The following PALM2AKAP2 variants were observed in gnomAD, a reference collection of about 807,000 sequenced individuals.
PALM2AKAP2 encodes the protein PALM2 and AKAP2 fusion.
Under a neutral mutation model 71.5 loss-of-function variants are expected in PALM2AKAP2, and 37 were observed. That is an observed-to-expected ratio of 0.52 (90% confidence interval 0.40 to 0.68). The LOEUF (loss-of-function observed/expected upper bound fraction) is 0.68. Ranked by LOEUF, PALM2AKAP2 falls within the 30% of genes least tolerant of loss-of-function variation. The probability of loss-of-function intolerance (pLI) is 0.00; values close to 1 mark genes in which losing one functional copy is unlikely to be tolerated. For synonymous variants in PALM2AKAP2, 468 were observed against 478.8 expected (o/e 0.98, Z 0.29); for missense variants, 1,224 against 1,191.8 (o/e 1.03, Z -0.40).
At chr9:109,863,908 C>T (rs1322162686) in intron 1 of PALM2AKAP2, among the ~76,000 whole-genome samples, 1 of 152,056 alleles carries the variant, frequency 6.6e-6, no homozygotes, top group African/African-American at 2.4e-5. Context: ...GGCAAAACCC[C>T]ATCTCTAGTA....
At chr9:109,881,077 C>T (rs1368668078) in intron 3 of PALM2AKAP2, among the ~76,000 whole-genome samples, 1 of 152,112 alleles carries the variant, frequency 6.6e-6, no homozygotes, top group Non-Finnish European at 1.5e-5. Flanking sequence ...GTGTTGTTCC[C>T]TTCTACGTGT....
At chr9:109,947,534 A>G (rs1374935268) in intron 6 of PALM2AKAP2, among the ~76,000 whole-genome samples, 1 of 152,252 alleles carries the variant, frequency 6.6e-6, no homozygotes, top group Non-Finnish European at 1.5e-5. Flanking sequence ...ACATGGTCAT[A>G]GAGACAAAAT....
intron 1 of PALM2AKAP2, among the ~76,000 whole-genome samples, chr9:109,655,154 G>T (rs1267891475): frequency 1.3e-5 from 2 of 152,086 alleles, no homozygotes; most frequent in Non-Finnish European, 2.9e-5. Context: ...AAATTAGCCG[G>T]GTGTGGTGGC....
intron 1 of PALM2AKAP2, among the ~76,000 whole-genome samples, chr9:109,838,509 G>A (rs1447967095): frequency 1.3e-5 from 2 of 152,040 alleles, no homozygotes; most frequent in Non-Finnish European, 2.9e-5. Context: ...CTAGCAGAAG[G>A]CAAGAAATAA....
At chr9:109,669,872 T>C (rs1827549401) in intron 1 of PALM2AKAP2, among the ~76,000 whole-genome samples, 1 of 152,036 alleles carries the variant, frequency 6.6e-6, no homozygotes, top group Non-Finnish European at 1.5e-5. Context: ...GTACCAACTT[T>C]TGTTTTTATT....
At chr9:110,086,147 G>A (rs925259446) in intron 1 of PALM2AKAP2, among the ~76,000 whole-genome samples, 1 of 151,444 alleles carries the variant, frequency 6.6e-6, no homozygotes, top group East Asian at 1.9e-4. Flanking sequence ...AGAGTTGCAA[G>A]TGGTATAAGA....
chr9:109,776,900 G>A (rs1335662372), upstream of PALM2AKAP2, among the ~76,000 whole-genome samples: 2 of 152,144 alleles, frequency 1.3e-5, no homozygotes, highest in Non-Finnish European at 2.9e-5. Context: ...CACTTAGGAA[G>A]TACACACTAT....
chr9:109,994,173 T>A (rs571033108), intron 6 of PALM2AKAP2, among the ~76,000 whole-genome samples: 14 of 152,326 alleles, frequency 9.2e-5, no homozygotes, highest in Non-Finnish European at 1.8e-4. Context: ...TATCAAATCA[T>A]CAGAGTGATC....
At chr9:110,115,396 T>G (rs992677380) in intron 1 of PALM2AKAP2, among the ~76,000 whole-genome samples, 3 of 152,088 alleles carry the variant, frequency 2.0e-5, no homozygotes, top group Non-Finnish European at 4.4e-5. Context: ...TTGTAGAGAG[T>G]GGCATCCGTT....
At chr9:109,664,828 A>G (rs182756529) in intron 1 of PALM2AKAP2, among the ~76,000 whole-genome samples, 63 of 152,324 alleles carry the variant, frequency 4.1e-4, no homozygotes, top group Middle Eastern at 3.4e-3. Flanking sequence ...TGGTACACCA[A>G]TCAAATGTAG....
rs34958946 is a variant in PALM2AKAP2, at chr9:110,111,086, C to CTTTTTTTTT, written c.157-25026_157-25018dup. 3.4e-3 allele frequency among the ~76,000 whole-genome samples: 285 copies of CTTTTTTTTT among 84,188 alleles called. 7 individuals carry two copies. Among genetic ancestry groups the CTTTTTTTTT allele is most frequent in the Middle Eastern group, 0.026 (2 of 78 alleles). The allele number at this position is 84,188 out of a possible 152,430, so 55.2% of individuals were successfully genotyped here. A position where few individuals can be genotyped will look rare whatever the true frequency, so the allele number is the denominator to read the frequency against. On this transcript the variant is annotated intron_variant, in intron 1 of 3. Transcript: ENST00000374525. Reference sequence around the variant, plus strand: ...TCCTTTTTTCTTTTCTTTCTTTCTTCTTTTTTTTTTTTTTTTTTTTTTTGA... The same window carrying CTTTTTTTTT: ...TCCTTTTTTCTTTTCTTTCTTTCTTCTTTTTTTTTTTTTTTTTTTTTTTTTTTTTTTTGA...
At chr9:109,756,254 C>T (rs12350319) in intron 1 of PALM2AKAP2, among the ~76,000 whole-genome samples, 13,441 of 152,120 alleles carry the variant, frequency 0.088, 828 homozygotes, top group African/African-American at 0.17. Context: ...AAAATAACAG[C>T]GTCACATTTT....
intron 1 of PALM2AKAP2, among the ~76,000 whole-genome samples, chr9:110,133,349 A>C (rs543932820): frequency 9.8e-5 from 15 of 152,348 alleles, no homozygotes; most frequent in Non-Finnish European, 2.1e-4. Context: ...TCAGACTAAG[A>C]AAACTCTAAT....
chr9:110,101,614 G>T (rs1056700858), intron 1 of PALM2AKAP2, among the ~76,000 whole-genome samples: 1 of 152,134 alleles, frequency 6.6e-6, no homozygotes, highest in Non-Finnish European at 1.5e-5. Context: ...GTGCTTTCAG[G>T]TGCAAACAGC....
chr9:109,668,829 C>A (rs1029411290), intron 1 of PALM2AKAP2, among the ~76,000 whole-genome samples: 1 of 152,204 alleles, frequency 6.6e-6, no homozygotes, highest in African/African-American at 2.4e-5. Context: ...ACAAGGTCTG[C>A]ACCATTTTCT....
chr9:110,164,596 T>A (rs1056751695), intron 3 of PALM2AKAP2, among the ~76,000 whole-genome samples: 19 of 150,514 alleles, frequency 1.3e-4, no homozygotes, highest in African/African-American at 4.7e-4. Flanking sequence ...AGTGGTGCGA[T>A]CTCAGCTCAC....
At chr9:109,807,504 A>C (rs1827609817) in intron 1 of PALM2AKAP2, among the ~76,000 whole-genome samples, 1 of 151,140 alleles carries the variant, frequency 6.6e-6, no homozygotes, top group Non-Finnish European at 1.5e-5. Context: ...CATAGATGGA[A>C]CCTTCTATAT....
chr9:109,781,094 TG>T (rs1319683941), intron 1 of PALM2AKAP2, among the ~76,000 whole-genome samples: 4 of 152,216 alleles, frequency 2.6e-5, no homozygotes, highest in African/African-American at 9.6e-5. Flanking sequence ...TTCATACAAC[TG>T]GGTCCTGGTT....
exon 4 of PALM2AKAP2, chr9:110,168,408 G>T: frequency 6.2e-7 from 1 of 1,614,102 alleles, no homozygotes; most frequent in Non-Finnish European, 8.5e-7. Context: ...GGTCCTCGAG[G>T]CCACACGGGT....
Sources: gnomAD v4.1 joint callset for allele counts (sites outside exome capture counted in the v4.1 genomes callset) on GRCh38, gnomAD v4.1.1 for gene constraint, MANE v1.5 for transcripts, NCBI Gene and HGNC (gene_info 2026-07-23, HGNC 2026-07-21) for gene names.